Variants in ZNF483 observed in about 807,000 individuals in gnomAD.
The protein encoded by ZNF483 is zinc finger protein 483.
Under a neutral mutation model 28.6 loss-of-function variants are expected in ZNF483, and 9 were observed. That is an observed-to-expected ratio of 0.32 (90% CI 0.19 to 0.55). The LOEUF (loss-of-function observed/expected upper bound fraction) is 0.55. Ranked by LOEUF, ZNF483 falls within the 20% of genes least tolerant of loss-of-function variation. The probability of loss-of-function intolerance (pLI) is 0.93; values close to 1 mark genes in which losing one functional copy is unlikely to be tolerated. For missense variants in ZNF483, 675 were observed against 871.7 expected, an observed-to-expected ratio of 0.77 and a Z score of 2.84; for synonymous variants, 322 against 306.2, an observed-to-expected ratio of 1.05 and a Z score of -0.54.
Position 111,546,455 on chromosome 9 carries a change from G to T in ZNF483, c.*3285G>T, listed in dbSNP as rs938609581. Among the ~76,000 whole-genome samples the T allele has an allele frequency of 7.9e-5, 12 of 152,068 alleles. No individual in the cohort carries two copies. The highest frequency in any genetic ancestry group is 7.9e-4 in the Admixed American group (12 of 15,266). ...ACCCAAATATTTAAATTCACTTTTGGATTAAGTCAGATTATCAAAAGGCTT... is the reference window on the plus strand; with the variant it reads ...ACCCAAATATTTAAATTCACTTTTGTATTAAGTCAGATTATCAAAAGGCTT... On this transcript the variant is annotated 3_prime_UTR_variant, in exon 6 of 6. Transcript: ENST00000309235.
rs773260927 is a variant in ZNF483, at chr9:111,574,840, T to A, written c.722-1525T>A. On this transcript the variant is annotated intron_variant, in intron 5 of 5. Coordinates refer to the ZNF483 transcript ENST00000358151. ...TAACAGTGTTTGAAAACTCTCCACC[T>A]ACCTAAACAGATAGCAAAGACAAAA... The A allele has an allele frequency of 7.5e-6, 12 of 1,607,140 alleles. No individual in the cohort carries two copies. In the South Asian group the frequency reaches 1.1e-4, roughly 15 times the overall value.
At chr9:111,562,955 C>T in intron 5 of ZNF483, 1 of 1,392,838 alleles carries the variant, frequency 7.2e-7, no homozygotes, top group Non-Finnish European at 9.3e-7. Flanking sequence ...AACTTCCATC[C>T]TCCATCACTA....
rs1827686847 is a variant in ZNF483, at chr9:111,542,029, G to C, written c.1094G>C (p.Gly365Ala). The change falls in exon 6 of 6, where the codon GGG (glycine) becomes GCG (alanine). Residue 365 changes from glycine (G) to alanine (A), a missense_variant. Gly to Ala is a moderately conservative substitution (Grantham distance 60, BLOSUM62 0). Transcript: ENST00000309235. The surrounding 1 kb of genome is among the most constrained non-coding windows in gnomAD (Gnocchi z 6.2). Reference sequence around the variant, plus strand: ...AAGTCACGGAAATCTAATGATGGTGGGAAAGTCCTGAGTCACTCTTCAGCT... The same window carrying C: ...AAGTCACGGAAATCTAATGATGGTGCGAAAGTCCTGAGTCACTCTTCAGCT... ...GEKSRKSNDGGKVLSHSSALT... is the reference protein window; with the variant it reads ...GEKSRKSNDGAKVLSHSSALT... 5 of 1,613,786 alleles carry C rather than the reference G, an allele frequency of 3.1e-6. No homozygotes were observed. The Admixed American group carries it at 5.0e-5, about 16-fold the overall frequency.
At chr9:111,560,816 G>C (rs1749007571) in intron 5 of ZNF483, among the ~76,000 whole-genome samples, 1 of 148,934 alleles carries the variant, frequency 6.7e-6, no homozygotes, top group Non-Finnish European at 1.5e-5. Context: ...GGTGGCTCAT[G>C]CCTGTAATCC....
rs1274261065 is a variant in ZNF483, at chr9:111,533,814, G to C, written c.577G>C (p.Glu193Gln). 1 of 1,593,434 alleles carries C rather than the reference G, an allele frequency of 6.3e-7. No individual in the cohort carries two copies. Among genetic ancestry groups the C allele is most frequent in the Non-Finnish European group, 8.5e-7 (1 of 1,174,620 alleles). ...GAAGAAGCTGGAGCCTTTTCAAAAGGAGCTATATAAGGAAGTGCTACTGGA... is the reference window on the plus strand; with the variant it reads ...GAAGAAGCTGGAGCCTTTTCAAAAGCAGCTATATAAGGAAGTGCTACTGGA... ...EWKKLEPFQKELYKEVLLENL... is the reference protein window; with the variant it reads ...EWKKLEPFQKQLYKEVLLENL... The change falls in exon 4 of 6, where the codon GAG (glutamate) becomes CAG (glutamine). Residue 193 changes from glutamate to glutamine, a missense_variant. By Grantham distance (29) the Glu-to-Gln change is conservative. Around this residue, in one of 6 missense-constraint regions of ZNF483, gnomAD observed 525 missense variants for 581.8 expected, o/e 0.90. Transcript: ENST00000309235.
chr9:111,530,800 T>TATATATAC (rs1388084545), intron 2 of ZNF483, 75 bp from the exon 3 acceptor site: 1 of 56,446 alleles, frequency 1.8e-5, no homozygotes, highest in African/African-American at 8.3e-5. Flanking sequence ...TATATATATA[T>TATATATAC]ACATATATAT....
Position 111,560,974 on chromosome 9 carries a change from TAGAG to T in ZNF483, c.722-15350_722-15347del, listed in dbSNP as rs1172194603. Reference sequence around the variant, plus strand: ...ATATATATATATATATATATATATATAGAGAGAGAGAGAGAGAGAGAGAGAGAGA... The same window carrying T: ...ATATATATATATATATATATATATATAGAGAGAGAGAGAGAGAGAGAGAGA... On this transcript the variant is annotated intron_variant, in intron 5 of 5. Coordinates refer to the ZNF483 transcript ENST00000358151. 8.8e-3 allele frequency among the ~76,000 whole-genome samples: 82 copies of T among 9,312 alleles called. 10 individuals carry two copies. Among genetic ancestry groups the T allele is most frequent in the South Asian group, 0.017 (4 of 232 alleles). The allele number at this position is 9,312 out of a possible 152,430, so 6.1% of individuals were successfully genotyped here. A position where few individuals can be genotyped will look rare whatever the true frequency, so the allele number is the denominator to read the frequency against.
At chr9:111,532,512 G>C (rs10117833) in intron 3 of ZNF483, among the ~76,000 whole-genome samples, 47,387 of 151,852 alleles carry the variant, frequency 0.31, 8,572 homozygotes, top group Non-Finnish European at 0.42. Context: ...GCAGCCACCA[G>C]AAGCAGGAAG....
chr9:111,542,011 G>C lies in ZNF483; in HGVS notation c.1076G>C (p.Arg359Pro). 6.2e-7 allele frequency: 1 copy of C among 1,613,996 alleles called. No individual in the cohort carries two copies. The highest frequency in any genetic ancestry group is 8.5e-7 in the Non-Finnish European group (1 of 1,179,922). The change falls in exon 6 of 6, where the codon CGG (arginine) becomes CCG (proline). Residue 359 changes from arginine (R) to proline (P), a missense_variant. Arg to Pro is a moderately radical substitution (Grantham distance 103). This residue lies in a region of ZNF483 where 525 missense variants were observed against 581.8 expected (regional missense o/e 0.90). Transcript: ENST00000309235. The surrounding 1 kb of genome is among the most constrained non-coding windows in gnomAD (Gnocchi z 6.2). ...GAGAAAACCGCCGGAGAAAAGTCAC[G>C]GAAATCTAATGATGGTGGGAAAGTC... ...RKEKTAGEKS[R>P]KSNDGGKVLS... is the part of the protein sequence containing the mutation.
chr9:111,560,944 AATATATATATATATAT>A (rs746101013), intron 5 of ZNF483, among the ~76,000 whole-genome samples: 57 of 31,204 alleles, frequency 1.8e-3, no homozygotes, highest in Non-Finnish European at 2.6e-3. Flanking sequence ...CTCCATCTAA[AATATATATATATATAT>A]ATATATATAT....
At position 111,547,277 on chromosome 9, in the gene ZNF483, G is replaced by T. The variant is rs771343419; in HGVS notation, c.*4107G>T. ...AAATTCCCACCAGCTATGTACAAGG[G>T]TTTCAGTATCCCCGCCCTTGCTAAC... On this transcript the variant is annotated 3_prime_UTR_variant, in exon 6 of 6. Transcript: ENST00000309235. Among the ~76,000 whole-genome samples the T allele has an allele frequency of 1.3e-5, 2 of 152,058 alleles. No individual in the cohort carries two copies. Among genetic ancestry groups the T allele is most frequent in the African/African-American group, 4.8e-5 (2 of 41,434 alleles).
chr9:111,535,737 G>C (rs905063941), intron 5 of ZNF483, among the ~76,000 whole-genome samples: 2 of 150,580 alleles, frequency 1.3e-5, no homozygotes, highest in African/African-American at 4.9e-5. Flanking sequence ...AGTAGAGGCG[G>C]GGTTTCACCA....
rs58638722 is a variant in ZNF483 at position 111,551,400 on chromosome 9, G to GTTTTTTTTTTTT, written c.*8244_*8255dup. Reference sequence around the variant, plus strand: ...TAACTGAATCAAGTATCCAGTTTTTGTTTTTTTTTTTTTTTTTTTTTTTTT... The same window carrying GTTTTTTTTTTTT: ...TAACTGAATCAAGTATCCAGTTTTTGTTTTTTTTTTTTTTTTTTTTTTTTTTTTTTTTTTTTT... On this transcript the variant is annotated 3_prime_UTR_variant, in exon 6 of 6. Transcript: ENST00000309235. 1.3e-5 allele frequency among the ~76,000 whole-genome samples: 1 copy of GTTTTTTTTTTTT among 74,436 alleles called. No individual in the cohort carries two copies. Among genetic ancestry groups the GTTTTTTTTTTTT allele is most frequent in the Non-Finnish European group, 2.5e-5 (1 of 39,924 alleles). The allele number at this position is 74,436 out of a possible 152,430, so 48.8% of individuals were successfully genotyped here.
intron 4 of ZNF483, 46 bp from the exon 5 acceptor site, chr9:111,534,215 T>C (rs1363297099): frequency 1.3e-6 from 2 of 1,505,594 alleles, no homozygotes; most frequent in Non-Finnish European, 1.8e-6. Context: ...GGGATATCTT[T>C]ACTCTATGCA....
At chr9:111,538,232 G>A (rs1051428286) in intron 5 of ZNF483, among the ~76,000 whole-genome samples, 1 of 151,288 alleles carries the variant, frequency 6.6e-6, no homozygotes, top group Non-Finnish European at 1.5e-5. Flanking sequence ...AAAAATCCAC[G>A]GGCTGGGCAT....
At chr9:111,537,451 G>GTT (rs1827541481) in intron 5 of ZNF483, among the ~76,000 whole-genome samples, 1 of 151,976 alleles carries the variant, frequency 6.6e-6, no homozygotes, top group African/African-American at 2.4e-5. Context: ...GACCTCAAGT[G>GTT]ATCTTCCTGC....
chr9:111,539,495 G>A (rs1827614740), intron 5 of ZNF483: 1 of 454,412 alleles, frequency 2.2e-6, no homozygotes, highest in Non-Finnish European at 4.4e-6. Context: ...TGGGTGTGGT[G>A]GCTCATGCCT....
In ZNF483 at chr9:111,547,227, T is replaced by C. The variant is rs1334141664; in HGVS notation, c.*4057T>C. ...TATGATGATTCTATATTTAACTTCTTGAGGAAGTGCAACTACACTATTTTA... is the reference window on the plus strand; with the variant it reads ...TATGATGATTCTATATTTAACTTCTCGAGGAAGTGCAACTACACTATTTTA... On this transcript the variant is annotated 3_prime_UTR_variant, in exon 6 of 6. Transcript: ENST00000309235. Among the ~76,000 whole-genome samples the C allele has an allele frequency of 6.6e-6, 1 of 152,156 alleles. No individual in the cohort carries two copies. Among genetic ancestry groups the C allele is most frequent in the Non-Finnish European group, 1.5e-5 (1 of 67,978 alleles).
rs148086480 is a variant in ZNF483, at chr9:111,548,893, A to G, written c.*5723A>G. On this transcript the variant is annotated 3_prime_UTR_variant, in exon 6 of 6. Coordinates refer to ENST00000309235, the MANE Select transcript of ZNF483 (RefSeq NM_133464.5). ...TGGCTTCCAAGGTTTTTGATGAGCA[A>G]TCAACAGTCTCACTGAGGATTTCTT... Among the ~76,000 whole-genome samples the G allele has an allele frequency of 6.6e-6, 1 of 152,210 alleles. No individual in the cohort carries two copies. Among genetic ancestry groups the G allele is most frequent in the East Asian group, 1.9e-4 (1 of 5,188 alleles).
Sources: gnomAD v4.1 joint callset for allele counts (sites outside exome capture counted in the v4.1 genomes callset) on GRCh38, gnomAD v4.1.1 for gene constraint, gnomAD v4.1.1 regional missense constraint, Gnocchi (gnomAD v3.1) non-coding constraint, MANE v1.5 for transcripts, NCBI Gene and HGNC (gene_info 2026-07-23, HGNC 2026-07-21) for gene names.